Variants in SLC8A1 observed in about 807,000 individuals in gnomAD.
The protein encoded by SLC8A1 is solute carrier family 8 member A1, also known as sodium/calcium exchanger 1.
SLC8A1 carries 18 observed loss-of-function variants against 68.3 expected under a neutral mutation model. The observed-to-expected ratio is 0.26, with a 90% CI of 0.18 to 0.39. The LOEUF (loss-of-function observed/expected upper bound fraction) is 0.39. Ranked by LOEUF, SLC8A1 falls within the 10% of genes least tolerant of loss-of-function variation. The pLI, the probability that SLC8A1 is intolerant of heterozygous loss-of-function variation, is 1.00. For missense variants in SLC8A1, 985 were observed against 1,156.7 expected (o/e 0.85, Z 2.15); for synonymous variants, 475 against 415.5 (o/e 1.14, Z -1.74).
chr2:40,278,925 C>T (rs1209811043), intron 2 of SLC8A1, among the ~76,000 whole-genome samples: 1 of 152,042 alleles, frequency 6.6e-6, no homozygotes, highest in Non-Finnish European at 1.5e-5. Flanking sequence ...CTCTTCAAAG[C>T]CCAGATGCTT....
Position 40,395,411 on chromosome 2 carries a change from G to C in SLC8A1, c.1808+33062C>G, listed in dbSNP as rs528126604. On this transcript the variant is annotated intron_variant, in intron 2 of 7. Transcript: ENST00000406785. ...CAGGCCCCTCTTATGACAATGGTCT[G>C]TGCTCACCTGGATTTTTATCACTGG... 4.6e-5 allele frequency among the ~76,000 whole-genome samples: 7 copies of C among 152,162 alleles called. 1 individual carries two copies. The highest frequency in any genetic ancestry group is 1.4e-4 in the African/African-American group (6 of 41,504).
intron 2 of SLC8A1, among the ~76,000 whole-genome samples, chr2:40,265,080 A>G (rs983235212): frequency 3.9e-5 from 6 of 152,192 alleles, no homozygotes; most frequent in Admixed American, 3.3e-4. Flanking sequence ...AAAATCTTCA[A>G]GTCATCTTCT....
intron 2 of SLC8A1, among the ~76,000 whole-genome samples, chr2:40,273,820 G>A (rs1472350625): frequency 1.3e-5 from 2 of 151,558 alleles, no homozygotes; most frequent in Non-Finnish European, 2.9e-5. Context: ...GCACAATAAA[G>A]AGGAGAAGCA....
chr2:40,201,631 A>G (rs1387899777), intron 2 of SLC8A1, among the ~76,000 whole-genome samples: 4 of 151,954 alleles, frequency 2.6e-5, no homozygotes, highest in African/African-American at 9.7e-5. Context: ...TCTGGCTTGA[A>G]GAACTTATGC....
At chr2:40,245,170 A>T (rs912950308) in intron 2 of SLC8A1, among the ~76,000 whole-genome samples, 2 of 122,272 alleles carry the variant, frequency 1.6e-5, no homozygotes, top group African/African-American at 6.8e-5. Flanking sequence ...ACTCCAGTGG[A>T]CTCAGTCTTA....
intron 2 of SLC8A1, among the ~76,000 whole-genome samples, chr2:40,360,269 A>G (rs1257983132): frequency 2.0e-5 from 3 of 152,194 alleles, no homozygotes; most frequent in African/African-American, 7.2e-5. Flanking sequence ...ACAGCTCCCA[A>G]GAGGTAGAGC....
intron 2 of SLC8A1, among the ~76,000 whole-genome samples, chr2:40,327,883 G>A (rs1489965540): frequency 6.6e-6 from 1 of 151,698 alleles, no homozygotes; most frequent in Admixed American, 6.6e-5. Flanking sequence ...ACCTGCACAT[G>A]TACCCCATGA....
chr2:40,349,535 C>A (rs949225339), intron 2 of SLC8A1, among the ~76,000 whole-genome samples: 13 of 152,178 alleles, frequency 8.5e-5, no homozygotes, highest in African/African-American at 2.9e-4. Flanking sequence ...TTCCTCTCTG[C>A]ACCTCAGCTG....
chr2:40,234,401 G>A (rs1238744131), intron 2 of SLC8A1, among the ~76,000 whole-genome samples: 4 of 152,002 alleles, frequency 2.6e-5, no homozygotes, highest in African/African-American at 9.7e-5. Flanking sequence ...CTCTCTGTTT[G>A]TCTGTTGTTG....
rs114277079 is a variant in SLC8A1, at chr2:40,333,741, A to T, written c.1808+94732T>A. Among the ~76,000 whole-genome samples the T allele has an allele frequency of 1.4e-3, 220 of 152,146 alleles. 1 individual carries two copies. The highest frequency in any genetic ancestry group is 5.2e-3 in the African/African-American group (214 of 41,518). ...TGTCCCCTATTAGTTTGGAGTCAGT[A>T]ATCATCACACAAAAAATATCAATAT... On this transcript the variant is annotated intron_variant, in intron 2 of 7. Transcript: ENST00000406785.
chr2:40,286,611 C>A (rs1362004010), intron 2 of SLC8A1, among the ~76,000 whole-genome samples: 1 of 152,114 alleles, frequency 6.6e-6, no homozygotes, highest in Non-Finnish European at 1.5e-5. Flanking sequence ...GACTAAAGGC[C>A]AGCTTAAGAA....
chr2:40,482,202 T>A (rs1053628889), intron 1 of SLC8A1, among the ~76,000 whole-genome samples: 3 of 152,180 alleles, frequency 2.0e-5, no homozygotes, highest in African/African-American at 7.2e-5. Flanking sequence ...ATGTCCCAGA[T>A]GTCTTTGGTT....
chr2:40,418,953 C>T (rs1414884809), intron 2 of SLC8A1, among the ~76,000 whole-genome samples: 2 of 152,160 alleles, frequency 1.3e-5, no homozygotes, highest in East Asian at 3.9e-4. Flanking sequence ...GCCTAAACAC[C>T]AGTGGCAAGA....
intron 1 of SLC8A1, among the ~76,000 whole-genome samples, chr2:40,494,786 G>A (rs969982363): frequency 6.7e-6 from 1 of 150,314 alleles, no homozygotes; most frequent in Non-Finnish European, 1.5e-5. Context: ...TCAGCTATTG[G>A]CAGAGCTGGC....
At chr2:40,197,269 G>T (rs1442801579) in intron 2 of SLC8A1, among the ~76,000 whole-genome samples, 1 of 152,010 alleles carries the variant, frequency 6.6e-6, no homozygotes, top group Non-Finnish European at 1.5e-5. Context: ...TTCTACGCAT[G>T]CATGTAACTG....
rs2066426365 is a variant in SLC8A1, at chr2:40,274,289, A to C, written c.1809-96434T>G. Among the ~76,000 whole-genome samples the C allele has an allele frequency of 2.0e-5, 3 of 151,088 alleles. No homozygotes were observed. In the Admixed American group the frequency reaches 2.0e-4, roughly 10 times the overall value. On this transcript the variant is annotated intron_variant, in intron 2 of 7. Coordinates refer to ENST00000406785, the Ensembl canonical transcript of SLC8A1. ...TAGCCCCACATAAATGTATTGAGTAATCCGAACTTGCTTATTTTGTAAATA... is the reference window on the plus strand; with the variant it reads ...TAGCCCCACATAAATGTATTGAGTACTCCGAACTTGCTTATTTTGTAAATA...
chr2:40,457,287 C>G (rs1379654114), intron 1 of SLC8A1, among the ~76,000 whole-genome samples: 1 of 152,148 alleles, frequency 6.6e-6, no homozygotes, highest in Non-Finnish European at 1.5e-5. Context: ...TGCTTTGTAC[C>G]AGGCAGTTGT....
rs116660630 is a variant in SLC8A1 at position 40,150,555 on chromosome 2, C to T, written c.2161+10210G>A. 6.1e-3 allele frequency among the ~76,000 whole-genome samples: 930 copies of T among 152,304 alleles called. 8 individuals carry two copies. The highest frequency in any genetic ancestry group is 0.021 in the African/African-American group (857 of 41,568). ...GCAGCAGCCCATGCCAACAAAAGAG[C>T]TCTTGGACCCAGTGATGGCACATTG... On this transcript the variant is annotated intron_variant, in intron 6 of 7. Coordinates refer to ENST00000406785, the Ensembl canonical transcript of SLC8A1.
intron 2 of SLC8A1, among the ~76,000 whole-genome samples, chr2:40,264,962 G>C (rs1281355689): frequency 6.6e-6 from 1 of 152,178 alleles, no homozygotes; most frequent in Non-Finnish European, 1.5e-5. Context: ...GGGTGTTTAT[G>C]AGCACAGGGG....
Sources: gnomAD v4.1 joint callset for allele counts (sites outside exome capture counted in the v4.1 genomes callset) on GRCh38, gnomAD v4.1.1 for gene constraint, MANE v1.5 for transcripts, NCBI Gene and HGNC (gene_info 2026-07-23, HGNC 2026-07-21) for gene names.